Variants in TAFA2 observed in about 807,000 individuals in gnomAD.
TAFA2 encodes the protein chemokine-like protein TAFA-2.
Under a neutral mutation model 18.8 loss-of-function variants are expected in TAFA2, and 7 were observed. The ratio of observed to expected loss-of-function variants is 0.37; its 90% CI spans 0.21 to 0.70. The LOEUF (loss-of-function observed/expected upper bound fraction) is 0.70, where lower values mean the gene tolerates loss of function less well. Among genes scored for constraint, TAFA2 ranks in the 30% least tolerant of loss-of-function variants. TAFA2 has a pLI of 0.53. For synonymous variants in TAFA2, 60 were observed against 54.2 expected (o/e 1.11, Z -0.47); for missense variants, 122 against 158.1 (o/e 0.77, Z 1.23).
At chr12:62,187,587 A>G (rs1031650602) in intron 1 of TAFA2, among the ~76,000 whole-genome samples, 1 of 152,236 alleles carries the variant, frequency 6.6e-6, no homozygotes, top group Non-Finnish European at 1.5e-5. Context: ...ATACTTTCAC[A>G]TTCCAATATG....
intron 1 of TAFA2, among the ~76,000 whole-genome samples, chr12:61,903,003 T>C (rs1206382263): frequency 6.6e-6 from 1 of 152,122 alleles, no homozygotes; most frequent in Non-Finnish European, 1.5e-5. Context: ...TTTTTTACAC[T>C]TCTATTCTTG....
At chr12:61,921,773 T>C (rs1877065348) in intron 1 of TAFA2, among the ~76,000 whole-genome samples, 1 of 152,192 alleles carries the variant, frequency 6.6e-6, no homozygotes, top group South Asian at 2.1e-4. Flanking sequence ...AGTATGACTA[T>C]GCATCAATGT....
At chr12:62,033,338 A>G (rs1157566642) in intron 1 of TAFA2, among the ~76,000 whole-genome samples, 1 of 152,226 alleles carries the variant, frequency 6.6e-6, no homozygotes, top group Non-Finnish European at 1.5e-5. Context: ...TAGGAAATAG[A>G]TAATGACTAA....
At chr12:61,878,172 T>C (rs1401903864) in intron 1 of TAFA2, 4 of 446,372 alleles carry the variant, frequency 9.0e-6, no homozygotes, top group Non-Finnish European at 1.8e-5. Context: ...GAGTTACTAT[T>C]TAATGAATAT....
At chr12:62,145,481 C>A (rs921340382) in intron 1 of TAFA2, 1 of 152,168 alleles carries the variant, frequency 6.6e-6, no homozygotes, top group South Asian at 2.1e-4. Flanking sequence ...TTGTCTTCCA[C>A]GAAACCGGAG....
At chr12:61,827,548 G>A (rs942760729) in intron 2 of TAFA2, among the ~76,000 whole-genome samples, 1 of 151,888 alleles carries the variant, frequency 6.6e-6, no homozygotes, top group Non-Finnish European at 1.5e-5. Context: ...TTAGTCTGGC[G>A]TTCCCTGATG....
intron 2 of TAFA2, among the ~76,000 whole-genome samples, chr12:61,864,624 T>C (rs985193307): frequency 1.3e-5 from 2 of 151,290 alleles, no homozygotes; most frequent in African/African-American, 4.9e-5. Context: ...ATACAAAAAA[T>C]TAGTCGGGCG....
chr12:61,816,798 T>C (rs2121031213), intron 2 of TAFA2, among the ~76,000 whole-genome samples: 1 of 151,470 alleles, frequency 6.6e-6, no homozygotes, highest in Non-Finnish European at 1.5e-5. Context: ...GAGACTTGAA[T>C]GACAAGGAGG....
intron 1 of TAFA2, among the ~76,000 whole-genome samples, chr12:62,181,130 G>A (rs1465439481): frequency 6.6e-6 from 1 of 152,016 alleles, no homozygotes; most frequent in Non-Finnish European, 1.5e-5. Context: ...GTGTAGGTCA[G>A]AAAAACTGGT....
intron 1 of TAFA2, among the ~76,000 whole-genome samples, chr12:61,917,082 A>G (rs951776679): frequency 6.6e-6 from 1 of 152,208 alleles, no homozygotes; most frequent in South Asian, 2.1e-4. Flanking sequence ...ATTTGAATAT[A>G]CAAGGATAGG....
intron 1 of TAFA2, among the ~76,000 whole-genome samples, chr12:61,881,498 C>T (rs531995732): frequency 3.3e-5 from 5 of 152,124 alleles, no homozygotes; most frequent in Non-Finnish European, 7.4e-5. Flanking sequence ...CACTATTGTA[C>T]GGACAGTTCA....
chr12:61,898,934 C>A (rs1235468950), intron 1 of TAFA2, among the ~76,000 whole-genome samples: 2 of 151,574 alleles, frequency 1.3e-5, no homozygotes, highest in Admixed American at 1.3e-4. Context: ...GCTCTGCTTC[C>A]CTTTTAAACA....
At chr12:62,075,812 A>G (rs1868247097) in intron 1 of TAFA2, among the ~76,000 whole-genome samples, 1 of 152,260 alleles carries the variant, frequency 6.6e-6, no homozygotes, top group Non-Finnish European at 1.5e-5. Flanking sequence ...TGAGCTATAC[A>G]TAAAACCATT....
At chr12:61,916,611 A>G (rs1305922754) in intron 1 of TAFA2, among the ~76,000 whole-genome samples, 1 of 152,180 alleles carries the variant, frequency 6.6e-6, no homozygotes, top group Non-Finnish European at 1.5e-5. Context: ...CCTTTTGGTT[A>G]CAATTCCATG....
chr12:62,095,106 G>A (rs1868891826), intron 1 of TAFA2, among the ~76,000 whole-genome samples: 1 of 152,000 alleles, frequency 6.6e-6, no homozygotes, highest in African/African-American at 2.4e-5. Context: ...TAGTAAAAGT[G>A]TCCTTCGTAG....
At chr12:61,818,167 C>T (rs1204115912) in intron 2 of TAFA2, among the ~76,000 whole-genome samples, 2 of 152,170 alleles carry the variant, frequency 1.3e-5, no homozygotes, top group East Asian at 1.9e-4. Context: ...TCTTTACCCT[C>T]CTTACTCTTC....
At chr12:61,922,176 T>C (rs1368024381) in intron 1 of TAFA2, among the ~76,000 whole-genome samples, 1 of 152,070 alleles carries the variant, frequency 6.6e-6, no homozygotes, top group Non-Finnish European at 1.5e-5. Context: ...TTTAAAAAAA[T>C]TGAAGAAACA....
intron 1 of TAFA2, among the ~76,000 whole-genome samples, chr12:62,167,528 G>A (rs541609226): frequency 5.9e-5 from 9 of 152,264 alleles, no homozygotes; most frequent in South Asian, 2.1e-4. Context: ...GATTTCAAGC[G>A]TGGAAGAAGG....
chr12:61,765,314 G>C (rs1869740783), intron 2 of TAFA2, among the ~76,000 whole-genome samples: 1 of 152,032 alleles, frequency 6.6e-6, no homozygotes. Flanking sequence ...ACTATGTAGA[G>C]GAGAGACCCA....
Sources: gnomAD v4.1 joint callset for allele counts (sites outside exome capture counted in the v4.1 genomes callset) on GRCh38, gnomAD v4.1.1 for gene constraint, MANE v1.5 for transcripts, NCBI Gene and HGNC (gene_info 2026-07-23, HGNC 2026-07-21) for gene names.